The following CD69 variants were observed in gnomAD, a reference collection of about 807,000 sequenced individuals.
The protein encoded by CD69 is early activation antigen CD69.
CD69 carries 10 observed loss-of-function variants against 21.4 expected under a neutral mutation model. That is an observed-to-expected ratio of 0.47 (90% CI 0.29 to 0.79). The LOEUF (loss-of-function observed/expected upper bound fraction) is 0.79. Among genes scored for constraint, CD69 ranks in the 30% least tolerant of loss-of-function variants. The pLI is 0.09. For synonymous variants in CD69, 63 were observed against 78.2 expected (o/e 0.81, Z 1.03); for missense variants, 204 against 236.9 (o/e 0.86, Z 0.91).
intron 1 of CD69, among the ~76,000 whole-genome samples, chr12:9,760,049 A>T (rs1194013549): frequency 6.6e-6 from 1 of 152,190 alleles, no homozygotes; most frequent in Admixed American, 6.5e-5. Context: ...AAATAGAAGG[A>T]TGAAATAGAG....
At chr12:9,757,606 A>G (rs1016829220) in intron 1 of CD69, among the ~76,000 whole-genome samples, 11 of 152,230 alleles carry the variant, frequency 7.2e-5, no homozygotes, top group African/African-American at 2.7e-4. Flanking sequence ...TACATGCAAC[A>G]AAATGAAGGA....
At chr12:9,760,624 A>G in intron 1 of CD69, 133 bp downstream of exon 1, 2 of 640,750 alleles carry the variant, frequency 3.1e-6, no homozygotes, top group Non-Finnish European at 5.3e-6. Context: ...TATCACATAC[A>G]TAGAGATTAG....
chr12:9,758,437 T>A (rs1866699862), intron 1 of CD69, among the ~76,000 whole-genome samples: 1 of 152,246 alleles, frequency 6.6e-6, no homozygotes, highest in South Asian at 2.1e-4. Flanking sequence ...TATCTTGAAA[T>A]ACACATATTT....
In CD69 at chr12:9,755,075, G is replaced by T. The variant is rs1431477614; in HGVS notation, c.374C>A (p.Ser125Tyr). 2 of 1,613,680 alleles carry T rather than the reference G, an allele frequency of 1.2e-6. No homozygotes were observed. Among genetic ancestry groups the T allele is most frequent in the Admixed American group, 3.3e-5 (2 of 60,020 alleles). Residue 125 changes from serine to tyrosine, a missense_variant, in exon 3 of 5, where the codon TCT becomes TAT. Ser to Tyr is a moderately radical substitution (Grantham distance 144, BLOSUM62 -2). Transcript: ENST00000228434. ...EHGATLAVID[S>Y]EKDMNFLKRY... ...TTTTATTCTTACCATGTCCTTTTCA[G>T]AATCAATGACAGCAAGAGTAGCACC...
chr12:9,759,484 G>GTTATTATTATTA lies in CD69; in HGVS notation c.64+1261_64+1272dup, dbSNP rs57945372. 5.2e-3 allele frequency among the ~76,000 whole-genome samples: 767 copies of GTTATTATTATTA among 148,288 alleles called. 9 individuals are homozygous for GTTATTATTATTA. The highest frequency in any genetic ancestry group is 0.016 in the African/African-American group (666 of 40,534). On this transcript the variant is annotated intron_variant, in intron 1 of 4. Transcript: ENST00000228434. ...ACCTATGCTCTCTATTTATTGAGTA[G>GTTATTATTATTA]TTATTATTATTATTATTATTATTAT...
In CD69 at chr12:9,754,454, C is replaced by T. The variant is rs370553390; in HGVS notation, c.491+133G>A. 35 of 635,952 alleles carry T rather than the reference C, an allele frequency of 5.5e-5. 1 individual carries two copies. Among genetic ancestry groups the T allele is most frequent in the East Asian group, 3.2e-4 (12 of 37,694 alleles). 39.4% of individuals were successfully genotyped at this position (635,952 alleles called of 1,614,324 possible). A position where few individuals can be genotyped will look rare whatever the true frequency, so the allele number is the denominator to read the frequency against. On this transcript the variant is annotated intron_variant, in intron 4 of 4. Transcript: ENST00000228434. ...TGTTATTAAAGAATTCCAGAGTATA[C>T]GCATTCAGAAGAGATTGTTAGAGCT...
intron 1 of CD69, among the ~76,000 whole-genome samples, chr12:9,759,877 T>C (rs1335979799): frequency 6.6e-6 from 1 of 152,050 alleles, no homozygotes; most frequent in Non-Finnish European, 1.5e-5. Flanking sequence ...AGAAAAACAA[T>C]AGGCAAAATC....
chr12:9,759,781 A>T (rs1866716434), intron 1 of CD69, among the ~76,000 whole-genome samples: 1 of 152,216 alleles, frequency 6.6e-6, no homozygotes, highest in East Asian at 1.9e-4. Flanking sequence ...CTAATTCCTA[A>T]GTGCTAGTGC....
Position 9,753,383 on chromosome 12 carries a change from GTC to G in CD69, c.*96_*97del. The G allele has an allele frequency of 4.2e-6, 2 of 480,016 alleles. No homozygotes were observed. The highest frequency in any genetic ancestry group is 7.5e-6 in the Non-Finnish European group (2 of 268,056). 29.7% of individuals were successfully genotyped at this position (480,016 alleles called of 1,614,324 possible). A position where few individuals can be genotyped will look rare whatever the true frequency, so the allele number is the denominator to read the frequency against. The stretch of plus-strand genomic sequence containing the variant: ...ACACTATAAAATTTTTTTTCACAAA[GTC>G]TCTATGGAAGACTTCGGACCACAGA... On this transcript the variant is annotated 3_prime_UTR_variant, in exon 5 of 5. Coordinates refer to ENST00000228434, the MANE Select transcript of CD69 (RefSeq NM_001781.2).
chr12:9,757,815 G>C (rs10772120), intron 1 of CD69, among the ~76,000 whole-genome samples: 108,097 of 152,078 alleles, frequency 0.71, 38,921 homozygotes, highest in East Asian at 0.95. Context: ...GTGATGGAAA[G>C]ATTCAAATGT....
Position 9,756,957 on chromosome 12 carries a change from G to A in CD69, c.65-538C>T, listed in dbSNP as rs368724846. On this transcript the variant is annotated intron_variant, in intron 1 of 4. Coordinates refer to ENST00000228434, the MANE Select transcript of CD69 (RefSeq NM_001781.2). ...TAGCTGGTCATGGTGGCACGCACTT[G>A]TGTTCCCAGCTACTTGGGAGTCTGA... 1.8e-4 allele frequency among the ~76,000 whole-genome samples: 28 copies of A among 152,256 alleles called. No homozygotes were observed. In the East Asian group the frequency reaches 4.1e-3, roughly 22 times the overall value.
chr12:9,753,471 T>G lies in CD69; in HGVS notation c.*10A>C, dbSNP rs1051065. The G allele has an allele frequency of 9.7e-6, 11 of 1,139,816 alleles. No individual in the cohort carries two copies. In the African/African-American group the frequency reaches 1.5e-4, roughly 16 times the overall value. 70.6% of individuals were successfully genotyped at this position (1,139,816 alleles called of 1,614,324 possible). On this transcript the variant is annotated 3_prime_UTR_variant, in exon 5 of 5. Transcript: ENST00000228434. ...TTCTATAATAGTCAATAAGTGAACA[T>G]GTTTCCTTATTATTTGTAAGGTTTG... is the stretch of plus-strand genomic sequence containing the variant.
chr12:9,760,071 T>C (rs1246093758), intron 1 of CD69, among the ~76,000 whole-genome samples: 1 of 152,126 alleles, frequency 6.6e-6, no homozygotes, highest in Non-Finnish European at 1.5e-5. Flanking sequence ...AAAAGAGTCC[T>C]ATAAAGAATA....
At chr12:9,757,833 C>T (rs972675811) in intron 1 of CD69, among the ~76,000 whole-genome samples, 2 of 152,180 alleles carry the variant, frequency 1.3e-5, no homozygotes, top group Admixed American at 6.5e-5. Context: ...TGTTGCTGGT[C>T]TTGTGGTTAT....
chr12:9,760,042 T>C (rs776910123), intron 1 of CD69, among the ~76,000 whole-genome samples: 1 of 152,030 alleles, frequency 6.6e-6, no homozygotes, highest in South Asian at 2.1e-4. Context: ...AAAGGTTAAA[T>C]AGAAGGATGA....
At chr12:9,754,455 G>T (rs1000137412) in intron 4 of CD69, 132 bp downstream of exon 4, 2 of 641,570 alleles carry the variant, frequency 3.1e-6, no homozygotes, top group Non-Finnish European at 2.8e-6. Context: ...CAGAGTATAC[G>T]CATTCAGAAG....
rs1866640306 is a variant in CD69 at position 9,752,767 on chromosome 12, C to G, written c.*714G>C. 1 of 152,524 alleles carries G rather than the reference C, an allele frequency of 6.6e-6. No homozygotes were observed. The highest frequency in any genetic ancestry group is 1.5e-5 in the Non-Finnish European group (1 of 68,012). 9.4% of individuals were successfully genotyped at this position (152,524 alleles called of 1,614,324 possible). On this transcript the variant is annotated 3_prime_UTR_variant, in exon 5 of 5. Transcript: ENST00000228434. ...ATGTCTTGCAAATATTCCTCATAGT[C>G]TTTGCTTATGTCTTTTCTCTGTAAG... is the stretch of plus-strand genomic sequence containing the variant.
At chr12:9,757,120 T>C (rs1441198837) in intron 1 of CD69, among the ~76,000 whole-genome samples, 1 of 152,052 alleles carries the variant, frequency 6.6e-6, no homozygotes, top group Non-Finnish European at 1.5e-5. Flanking sequence ...TCTAGCATAA[T>C]TCCTTAATCT....
intron 1 of CD69, among the ~76,000 whole-genome samples, chr12:9,758,251 C>T (rs1402536250): frequency 1.3e-5 from 2 of 152,088 alleles, no homozygotes; most frequent in Non-Finnish European, 2.9e-5. Flanking sequence ...GATGAGCTGT[C>T]AGGAGTCTTA....
Sources: allele counts gnomAD v4.1 joint callset (sites outside exome capture counted in the v4.1 genomes callset), GRCh38; gene constraint gnomAD v4.1.1; transcripts MANE v1.5; gene names NCBI Gene and HGNC (gene_info 2026-07-23, HGNC 2026-07-21).